LRRTM4: variants seen among roughly 807,000 people sequenced by gnomAD.
The protein encoded by LRRTM4 is leucine-rich repeat transmembrane neuronal protein 4.
A neutral mutation model predicts 47.6 loss-of-function variants in LRRTM4; 25 were observed. The ratio of observed to expected loss-of-function variants is 0.53; its 90% confidence interval spans 0.38 to 0.73. The LOEUF is 0.73. Ranked by LOEUF, LRRTM4 falls within the 30% of genes least tolerant of loss-of-function variation. The pLI is 0.00. For missense variants in LRRTM4, 638 were observed against 713.4 expected (o/e 0.89, Z 1.20); for synonymous variants, 311 against 269.5 (o/e 1.15, Z -1.51).
intron 3 of LRRTM4, among the ~76,000 whole-genome samples, chr2:77,192,180 T>C (rs1398144866): frequency 6.6e-6 from 1 of 152,108 alleles, no homozygotes; most frequent in Non-Finnish European, 1.5e-5. Context: ...AAAGGCATTC[T>C]GTTTAAAACC....
At chr2:76,786,204 A>T (rs954334802) in intron 3 of LRRTM4, among the ~76,000 whole-genome samples, 8 of 152,272 alleles carry the variant, frequency 5.3e-5, no homozygotes, top group Admixed American at 3.9e-4. Context: ...TCTCTAGCCT[A>T]TCTTCCCAAA....
intron 3 of LRRTM4, among the ~76,000 whole-genome samples, chr2:77,286,028 G>A (rs1278155859): frequency 1.3e-5 from 2 of 151,856 alleles, no homozygotes; most frequent in Non-Finnish European, 2.9e-5. Context: ...ATATTTTAAG[G>A]TGTGCTAAAC....
chr2:77,264,367 C>T (rs754990327), intron 3 of LRRTM4, among the ~76,000 whole-genome samples: 7 of 151,406 alleles, frequency 4.6e-5, no homozygotes, highest in Admixed American at 1.3e-4. Flanking sequence ...TGCAAGTGAG[C>T]GCTCTGGTTT....
At chr2:77,136,069 G>A (rs1319970435) in intron 3 of LRRTM4, among the ~76,000 whole-genome samples, 1 of 152,110 alleles carries the variant, frequency 6.6e-6, no homozygotes, top group African/African-American at 2.4e-5. Flanking sequence ...ACAGCTCCCA[G>A]CCTGAGTGAC....
At chr2:76,779,842 G>C in intron 3 of LRRTM4, among the ~76,000 whole-genome samples, 1 of 152,094 alleles carries the variant, frequency 6.6e-6, no homozygotes, top group Non-Finnish European at 1.5e-5. Flanking sequence ...AGTTGATGCA[G>C]TTTCTTCCTA....
At chr2:77,331,952 A>G (rs1237609633) in intron 3 of LRRTM4, among the ~76,000 whole-genome samples, 1 of 152,208 alleles carries the variant, frequency 6.6e-6, no homozygotes, top group Non-Finnish European at 1.5e-5. Flanking sequence ...CCAGTCATAT[A>G]CTGAAGAACT....
At chr2:77,036,615 ATATTACG>A (rs1678846330) in intron 3 of LRRTM4, among the ~76,000 whole-genome samples, 1 of 151,678 alleles carries the variant, frequency 6.6e-6, no homozygotes, top group Admixed American at 6.6e-5. Context: ...ATCTCTTAAA[ATATTACG>A]TATTCTGTGG....
chr2:76,977,752 A>G (rs889201575), intron 3 of LRRTM4, among the ~76,000 whole-genome samples: 7 of 152,038 alleles, frequency 4.6e-5, no homozygotes, highest in Non-Finnish European at 1.0e-4. Flanking sequence ...GATGATTATT[A>G]TATTTCAGTC....
At chr2:77,426,772 G>C (rs1427785642) in intron 3 of LRRTM4, among the ~76,000 whole-genome samples, 1 of 151,220 alleles carries the variant, frequency 6.6e-6, no homozygotes. Context: ...ATGTGTATGT[G>C]AGTACATAAT....
At chr2:76,795,108 A>ACCGAGAGATTT (rs1217476594) in intron 3 of LRRTM4, among the ~76,000 whole-genome samples, 1 of 152,168 alleles carries the variant, frequency 6.6e-6, no homozygotes, top group African/African-American at 2.4e-5. Context: ...CATGCTCAAT[A>ACCGAGAGATTT]CCGAGAGATT....
At chr2:77,434,853 A>G (rs1371726856) in intron 3 of LRRTM4, among the ~76,000 whole-genome samples, 2 of 152,174 alleles carry the variant, frequency 1.3e-5, no homozygotes, top group Non-Finnish European at 2.9e-5. Context: ...TAATTACACC[A>G]AATAACTATG....
intron 3 of LRRTM4, among the ~76,000 whole-genome samples, chr2:77,356,820 G>A (rs1163894848): frequency 1.3e-5 from 2 of 152,098 alleles, no homozygotes; most frequent in African/African-American, 2.4e-5. Context: ...CAGCGTGTCG[G>A]TTTTCCTATA....
At chr2:76,878,140 G>A (rs1419439757) in intron 3 of LRRTM4, among the ~76,000 whole-genome samples, 5 of 152,048 alleles carry the variant, frequency 3.3e-5, no homozygotes, top group East Asian at 1.9e-4. Context: ...TATCTGTTAC[G>A]ATGATCTGTG....
chr2:77,165,193 A>G (rs1672844528), intron 3 of LRRTM4, among the ~76,000 whole-genome samples: 2 of 152,220 alleles, frequency 1.3e-5, no homozygotes, highest in South Asian at 4.1e-4. Context: ...ATCTCTATGC[A>G]AATAAACCAG....
At chr2:77,461,562 T>C (rs1172727474) in intron 3 of LRRTM4, among the ~76,000 whole-genome samples, 1 of 152,134 alleles carries the variant, frequency 6.6e-6, no homozygotes, top group Non-Finnish European at 1.5e-5. Context: ...TGTAAAGTAA[T>C]CATAGGAATA....
intron 3 of LRRTM4, among the ~76,000 whole-genome samples, chr2:76,826,175 A>AT (rs1671185899): frequency 6.6e-6 from 1 of 151,692 alleles, no homozygotes; most frequent in Admixed American, 6.6e-5. Context: ...GTGCAGAAAC[A>AT]TTTTTTCTTA....
At chr2:76,918,503 G>T (rs1232249800) in intron 3 of LRRTM4, among the ~76,000 whole-genome samples, 3 of 152,106 alleles carry the variant, frequency 2.0e-5, no homozygotes, top group Admixed American at 6.6e-5. Flanking sequence ...GAATATATCT[G>T]GCTCATCACA....
intron 3 of LRRTM4, among the ~76,000 whole-genome samples, chr2:76,968,032 G>A (rs937993021): frequency 1.5e-5 from 2 of 135,810 alleles, no homozygotes; most frequent in African/African-American, 6.4e-5. Context: ...GGCAAAAATG[G>A]ATAAAAAGAT....
At chr2:77,326,370 T>C (rs1037408559) in intron 3 of LRRTM4, among the ~76,000 whole-genome samples, 2 of 152,172 alleles carry the variant, frequency 1.3e-5, no homozygotes, top group Non-Finnish European at 2.9e-5. Context: ...AAATCTTTCT[T>C]CCCTTATACC....
Sources: gnomAD v4.1 joint callset for allele counts (sites outside exome capture counted in the v4.1 genomes callset) on GRCh38, gnomAD v4.1.1 for gene constraint, MANE v1.5 for transcripts, NCBI Gene and HGNC (gene_info 2026-07-23, HGNC 2026-07-21) for gene names.